The following EFCAB12 variants were observed in gnomAD, a reference collection of about 807,000 sequenced individuals.
EFCAB12 encodes EF-hand calcium binding domain 12, also known as EF-hand calcium-binding domain-containing protein 12.
A neutral mutation model predicts 53.6 loss-of-function variants in EFCAB12; 43 were observed. That is an observed-to-expected ratio of 0.80 (90% confidence interval 0.63 to 1.03). The LOEUF (loss-of-function observed/expected upper bound fraction) is 1.03, where lower values mean the gene tolerates loss of function less well. Ranked by LOEUF, EFCAB12 falls within the 50% of genes least tolerant of loss-of-function variation. EFCAB12 has a pLI of 0.00. For missense variants in EFCAB12, 646 were observed against 730.6 expected, an observed-to-expected ratio of 0.88 and a Z score of 1.34; for synonymous variants, 269 against 289.2, an observed-to-expected ratio of 0.93 and a Z score of 0.71.
chr3:129,418,726 TC>T (rs2072152967), intron 2 of EFCAB12, among the ~76,000 whole-genome samples: 1 of 152,132 alleles, frequency 6.6e-6, no homozygotes, highest in African/African-American at 2.4e-5. Flanking sequence ...GTCAAACCAG[TC>T]AGTATGCGTA....
intron 3 of EFCAB12, among the ~76,000 whole-genome samples, chr3:129,416,718 T>G (rs1356639364): frequency 6.6e-6 from 1 of 152,136 alleles, no homozygotes; most frequent in Non-Finnish European, 1.5e-5. Flanking sequence ...GGTGTGATCA[T>G]AGCTCACTGC....
At chr3:129,426,359 GTTTTTTTTTTTTTTT>G (rs71620055) in intron 1 of EFCAB12, among the ~76,000 whole-genome samples, 4 of 87,808 alleles carry the variant, frequency 4.6e-5, no homozygotes, top group Non-Finnish European at 7.1e-5. Flanking sequence ...GTTTTTTTTT[GTTTTTTTTTTTTTTT>G]TTTTTTTTGA....
Position 129,417,185 on chromosome 3 carries a change from C to T in EFCAB12, c.681+1069G>A, listed in dbSNP as rs189655608. 6.3e-3 allele frequency among the ~76,000 whole-genome samples: 949 copies of T among 151,648 alleles called. 7 individuals carry two copies. The highest frequency in any genetic ancestry group is 0.023 in the South Asian group (109 of 4,792). On this transcript the variant is annotated intron_variant, in intron 3 of 8. Transcript: ENST00000505956. ...ACTAAAAATACAAAAATTAGCCGGG[C>T]GTGGTGGTGCACGCCTATAGTCCCA...
chr3:129,409,644 C>T (rs2072005040), intron 5 of EFCAB12, among the ~76,000 whole-genome samples: 1 of 152,092 alleles, frequency 6.6e-6, no homozygotes. Flanking sequence ...CCAGAATCAG[C>T]AAAGACCAGC....
chr3:129,402,498 G>A lies in EFCAB12; in HGVS notation c.1460+25C>T, dbSNP rs748323822. ...GCCCCTCCTCCCACCTTCCTTCCTT[G>A]TGGAGTTAGATGATTGCCACAGACC... On this transcript the variant is annotated intron_variant, in intron 8 of 8. Coordinates refer to ENST00000505956, the MANE Select transcript of EFCAB12 (RefSeq NM_207307.3). 1.2e-5 allele frequency: 20 copies of A among 1,607,664 alleles called. No homozygotes were observed. In the Admixed American group the frequency reaches 1.5e-4, roughly 12 times the overall value.
At chr3:129,419,088 G>A (rs1475288340) in intron 2 of EFCAB12, among the ~76,000 whole-genome samples, 1 of 152,082 alleles carries the variant, frequency 6.6e-6, no homozygotes, top group Non-Finnish European at 1.5e-5. Flanking sequence ...AATCCTATGT[G>A]TCTGCCTCTC....
At chr3:129,402,426 A>C in intron 8 of EFCAB12, 97 bp downstream of exon 8, 2 of 1,348,350 alleles carry the variant, frequency 1.5e-6, no homozygotes, top group East Asian at 4.9e-5. Context: ...ACCGAGCCCC[A>C]GCTGTTGTGC....
chr3:129,420,249 C>T (rs889763407), intron 2 of EFCAB12, among the ~76,000 whole-genome samples: 1 of 152,086 alleles, frequency 6.6e-6, no homozygotes, highest in African/African-American at 2.4e-5. Context: ...CACTATGTGC[C>T]CAATAGCGTC....
At chr3:129,410,246 G>T (rs554661144) in intron 5 of EFCAB12, among the ~76,000 whole-genome samples, 2 of 151,904 alleles carry the variant, frequency 1.3e-5, no homozygotes, top group Non-Finnish European at 2.9e-5. Flanking sequence ...CTGGCCTCAA[G>T]TGATCCTCCT....
At chr3:129,418,569 AC>A (rs1391778187) in intron 2 of EFCAB12, 121 bp from the exon 3 acceptor site, 1 of 856,412 alleles carries the variant, frequency 1.2e-6, no homozygotes, top group Non-Finnish European at 1.7e-6. Flanking sequence ...AGGATAGAGT[AC>A]AAAGGGCACT....
intron 2 of EFCAB12, among the ~76,000 whole-genome samples, chr3:129,419,949 A>G (rs1306731280): frequency 6.6e-6 from 1 of 152,216 alleles, no homozygotes; most frequent in Admixed American, 6.5e-5. Flanking sequence ...GATCCTATGA[A>G]TTAGGTATGA....
chr3:129,413,671 G>A (rs528220070), intron 4 of EFCAB12: 27 of 152,322 alleles, frequency 1.8e-4, no homozygotes, highest in African/African-American at 6.5e-4. Context: ...ATGTGGCTCT[G>A]ACCTAACTCA....
In EFCAB12 at chr3:129,401,526, G is replaced by A; in HGVS notation, c.*67C>T. 1.4e-6 allele frequency: 2 copies of A among 1,458,442 alleles called. No individual in the cohort carries two copies. The highest frequency in any genetic ancestry group is 2.9e-5 in the South Asian group (2 of 69,448). 90.3% of individuals were successfully genotyped at this position (1,458,442 alleles called of 1,614,324 possible). A position where few individuals can be genotyped will look rare whatever the true frequency, so the allele number is the denominator to read the frequency against. On this transcript the variant is annotated 3_prime_UTR_variant, in exon 9 of 9. Transcript: ENST00000505956. ...TCTTTGACACTCCTCTTGTGTCTGG[G>A]CTCTGGGCCGCTGGCTGCACTGGCC...
chr3:129,410,653 T>G (rs1364893450), intron 5 of EFCAB12, among the ~76,000 whole-genome samples: 1 of 152,190 alleles, frequency 6.6e-6, no homozygotes, highest in Non-Finnish European at 1.5e-5. Flanking sequence ...TAGTATTGTA[T>G]TGATGTTGTC....
intron 3 of EFCAB12, 96 bp from the exon 4 acceptor site, chr3:129,415,497 G>T: frequency 1.3e-6 from 2 of 1,486,134 alleles, no homozygotes; most frequent in Non-Finnish European, 9.1e-7. Flanking sequence ...CCCCCATCCT[G>T]CTTCCAGTTT....
chr3:129,418,351 T>C lies in EFCAB12; in HGVS notation c.584A>G (p.His195Arg), dbSNP rs2072146256. The change falls in exon 3 of 9, where the codon CAT becomes CGT. Residue 195 changes from histidine (H) to arginine (R), a missense_variant. Coordinates refer to ENST00000505956, the MANE Select transcript of EFCAB12 (RefSeq NM_207307.3). ...PALSVMYSYLHSRKIKILEIF... is the reference protein window; with the variant it reads ...PALSVMYSYLRSRKIKILEIF... The stretch of plus-strand genomic sequence containing the variant: ...CTCCAGGATCTTGATCTTGCGGCTA[T>C]GCAGGTAGGAGTACATGACCGACAG... 2 of 1,613,928 alleles carry C rather than the reference T, an allele frequency of 1.2e-6. No homozygotes were observed. Among genetic ancestry groups the C allele is most frequent in the Non-Finnish European group, 1.7e-6 (2 of 1,179,842 alleles).
intron 6 of EFCAB12, 111 bp from the exon 7 acceptor site, chr3:129,404,514 G>T: frequency 3.2e-6 from 4 of 1,253,102 alleles, no homozygotes; most frequent in Non-Finnish European, 4.2e-6. Context: ...ACATTTTTAA[G>T]ACGTTTTCTT....
In EFCAB12 at chr3:129,408,826, T is replaced by C. The variant is rs778876497; in HGVS notation, c.1068A>G (p.Gln356=). Reference sequence around the variant, plus strand: ...GATTCCCACAGCGCACCAGGTGACATTGCTCCGTGTACTGGATGGAGGGGA... The same window carrying C: ...GATTCCCACAGCGCACCAGGTGACACTGCTCCGTGTACTGGATGGAGGGGA... ...LTIPSIQYTE[Q]CHLVRCGNRH... Residue 356 remains glutamine, a synonymous_variant, in exon 6 of 9, where the codon CAA becomes CAG. Coordinates refer to ENST00000505956, the MANE Select transcript of EFCAB12 (RefSeq NM_207307.3). 223 of 1,575,340 alleles carry C rather than the reference T, an allele frequency of 1.4e-4. 4 individuals are homozygous for C. The South Asian group carries it at 2.5e-3, about 18-fold the overall frequency.
intron 4 of EFCAB12, chr3:129,412,428 G>GGACAGATA (rs1209049850): frequency 2.1e-4 from 30 of 146,006 alleles, no homozygotes; most frequent in African/African-American, 6.9e-4. Flanking sequence ...GTAGATGGAT[G>GGACAGATA]GATAGATAGA....
Sources: allele counts gnomAD v4.1 joint callset (sites outside exome capture counted in the v4.1 genomes callset), GRCh38; gene constraint gnomAD v4.1.1; transcripts MANE v1.5; gene names NCBI Gene and HGNC (gene_info 2026-07-23, HGNC 2026-07-21).